CRYL1: variants seen among roughly 807,000 people sequenced by gnomAD.
CRYL1 encodes the protein lambda-crystallin homolog.
Under a neutral mutation model 36.6 loss-of-function variants are expected in CRYL1, and 29 were observed. That is an observed-to-expected ratio of 0.79 (90% CI 0.59 to 1.08). CRYL1 has a LOEUF of 1.08. Ranked by LOEUF, CRYL1 falls within the 50% of genes least tolerant of loss-of-function variation. The probability of loss-of-function intolerance (pLI) is 0.00; values close to 1 mark genes in which losing one functional copy is unlikely to be tolerated. For synonymous variants in CRYL1, 152 were observed against 151.5 expected, an observed-to-expected ratio of 1.00 and a Z score of -0.02; for missense variants, 411 against 407.9, an observed-to-expected ratio of 1.01 and a Z score of -0.06.
intron 3 of CRYL1, among the ~76,000 whole-genome samples, chr13:20,474,003 TTTC>T (rs2033113825): frequency 6.6e-6 from 1 of 152,102 alleles, no homozygotes; most frequent in Non-Finnish European, 1.5e-5. Flanking sequence ...TCGGCTTCCA[TTTC>T]TTCTTCTCTG....
At chr13:20,479,058 T>C (rs981978221) in intron 3 of CRYL1, among the ~76,000 whole-genome samples, 12 of 152,092 alleles carry the variant, frequency 7.9e-5, no homozygotes, top group African/African-American at 2.9e-4. Flanking sequence ...CTGTAAAGGA[T>C]TACAGGTGTG....
chr13:20,466,705 T>TGTGTGTGTGTGA (rs71866943), intron 3 of CRYL1, among the ~76,000 whole-genome samples: 6,800 of 151,322 alleles, frequency 0.045, 222 homozygotes, highest in East Asian at 0.13. Flanking sequence ...TGTGTGTGTG[T>TGTGTGTGTGTGA]GTGTGTAGTT....
chr13:20,513,466 C>CAACA (rs1193521098), intron 1 of CRYL1: 4 of 152,228 alleles, frequency 2.6e-5, no homozygotes, highest in Non-Finnish European at 5.9e-5. Flanking sequence ...TTAATCTTTA[C>CAACA]AACAACCCTA....
rs143317209 is a variant in CRYL1 at position 20,487,860 on chromosome 13, G to A, written c.276+1510C>T. 6.8e-4 allele frequency among the ~76,000 whole-genome samples: 103 copies of A among 152,200 alleles called. No homozygotes were observed. The East Asian group carries it at 0.018, about 26-fold the overall frequency. The stretch of plus-strand genomic sequence containing the variant: ...CTCACGCCTGTAATCCCAGCACTTC[G>A]AGAGGCCAAGGCCAGCGGATCACTT... On this transcript the variant is annotated intron_variant, in intron 3 of 7. Transcript: ENST00000298248.
chr13:20,475,276 G>T (rs190624448), intron 3 of CRYL1, among the ~76,000 whole-genome samples: 1 of 152,296 alleles, frequency 6.6e-6, no homozygotes, highest in East Asian at 1.9e-4. Context: ...AGGCATGCAG[G>T]TTCCAGCTGG....
intron 2 of CRYL1, among the ~76,000 whole-genome samples, chr13:20,495,537 A>G (rs1283833893): frequency 1.3e-5 from 2 of 152,168 alleles, no homozygotes; most frequent in South Asian, 2.1e-4. Context: ...TGCACTGATG[A>G]TGGGAATGTG....
chr13:20,523,065 C>T (rs1391347292), intron 1 of CRYL1, among the ~76,000 whole-genome samples: 1 of 151,742 alleles, frequency 6.6e-6, no homozygotes, highest in African/African-American at 2.4e-5. Context: ...TACAGGCATG[C>T]ACCACCACGC....
chr13:20,507,694 G>A (rs892736174), intron 2 of CRYL1, among the ~76,000 whole-genome samples: 62 of 151,542 alleles, frequency 4.1e-4, no homozygotes, highest in African/African-American at 1.2e-3. Context: ...CAAGGCAGGC[G>A]GATCACAAGG....
intron 4 of CRYL1, 47 bp downstream of exon 4, chr13:20,439,546 C>CAAAAAA: frequency 4.3e-6 from 3 of 693,694 alleles, no homozygotes; most frequent in South Asian, 3.1e-5. Context: ...AAAAAAAACA[C>CAAAAAA]AGAATGAGAT....
chr13:20,406,908 G>A (rs1285812407), intron 6 of CRYL1, among the ~76,000 whole-genome samples: 1 of 151,682 alleles, frequency 6.6e-6, no homozygotes, highest in African/African-American at 2.4e-5. Context: ...CAGGGGTTCA[G>A]TTCACGCAGC....
intron 3 of CRYL1, among the ~76,000 whole-genome samples, chr13:20,486,439 T>C (rs1265387887): frequency 6.6e-6 from 1 of 151,988 alleles, no homozygotes; most frequent in Non-Finnish European, 1.5e-5. Context: ...CTCATTCATC[T>C]CTTCCTCCCA....
chr13:20,442,234 G>A (rs1413735722), intron 3 of CRYL1, among the ~76,000 whole-genome samples: 59 of 152,202 alleles, frequency 3.9e-4, no homozygotes, highest in Non-Finnish European at 4.4e-5. Flanking sequence ...AAAGAGGCAA[G>A]AAAACCTGAA....
chr13:20,432,419 C>G, intron 4 of CRYL1, 123 bp from the exon 5 acceptor site: 1 of 589,994 alleles, frequency 1.7e-6, no homozygotes, highest in Non-Finnish European at 2.9e-6. Context: ...GATTCAGTGG[C>G]CAACAACAAG....
intron 2 of CRYL1, among the ~76,000 whole-genome samples, chr13:20,495,491 T>G (rs1177334195): frequency 6.6e-6 from 1 of 152,184 alleles, no homozygotes; most frequent in Non-Finnish European, 1.5e-5. Context: ...GAGCATGTAT[T>G]TATTTTTAAA....
chr13:20,509,712 G>C (rs568308111), intron 2 of CRYL1, among the ~76,000 whole-genome samples: 1 of 152,292 alleles, frequency 6.6e-6, no homozygotes, highest in Non-Finnish European at 1.5e-5. Context: ...TGGATCACCT[G>C]AGGTCAGGAG....
intron 6 of CRYL1, among the ~76,000 whole-genome samples, chr13:20,405,445 C>T (rs2031345630): frequency 6.6e-6 from 1 of 152,182 alleles, no homozygotes; most frequent in South Asian, 2.1e-4. Context: ...TATTTGTGTA[C>T]AACGTTTGAA....
intron 4 of CRYL1, among the ~76,000 whole-genome samples, chr13:20,438,057 G>A (rs181064591): frequency 3.3e-5 from 5 of 152,294 alleles, no homozygotes; most frequent in South Asian, 2.1e-4. Context: ...AATCTCACTC[G>A]TAATTGAGTG....
rs946603593 is a variant in CRYL1 at position 20,425,864 on chromosome 13, C to G, written c.633+6238G>C. ...GACAGCATGAGATCAGGCCCCAGTA[C>G]ACAGAGGCCCCACTGTACAGTCGGC... On this transcript the variant is annotated intron_variant, in intron 5 of 7. Transcript: ENST00000298248. This position sits in a 1 kb window ranked among gnomAD's most constrained non-coding sequence, Gnocchi z 4.4. 7.9e-5 allele frequency among the ~76,000 whole-genome samples: 12 copies of G among 152,070 alleles called. No homozygotes were observed. Among genetic ancestry groups the G allele is most frequent in the Middle Eastern group, 3.2e-3 (1 of 316 alleles).
intron 2 of CRYL1, among the ~76,000 whole-genome samples, chr13:20,502,732 G>A (rs1303707956): frequency 2.0e-5 from 3 of 152,190 alleles, no homozygotes; most frequent in Non-Finnish European, 2.9e-5. Context: ...AGACAGACAG[G>A]GGAGGAGAGG....
Sources: allele counts gnomAD v4.1 joint callset (sites outside exome capture counted in the v4.1 genomes callset), GRCh38; gene constraint gnomAD v4.1.1; non-coding constraint Gnocchi (gnomAD v3.1); transcripts MANE v1.5; gene names NCBI Gene and HGNC (gene_info 2026-07-23, HGNC 2026-07-21).